ALMS1: variants seen among roughly 807,000 people sequenced by gnomAD.
ALMS1 encodes the protein centrosome-associated protein ALMS1.
Under a neutral mutation model 352.2 loss-of-function variants are expected in ALMS1, and 271 were observed. The ratio of observed to expected loss-of-function variants is 0.77; its 90% confidence interval spans 0.70 to 0.85. ALMS1 has a LOEUF of 0.85. ALMS1 is among the 40% of genes least tolerant of loss of function. The pLI, the probability that ALMS1 is intolerant of heterozygous loss-of-function variation, is 0.00. For synonymous variants in ALMS1, 1,865 were observed against 1,761.2 expected, an observed-to-expected ratio of 1.06 and a Z score of -1.48; for missense variants, 5,445 against 4,870.7, an observed-to-expected ratio of 1.12 and a Z score of -3.51.
intron 7 of ALMS1, among the ~76,000 whole-genome samples, chr2:73,444,596 A>T (rs1460247714): frequency 6.6e-6 from 1 of 152,372 alleles, no homozygotes; most frequent in Admixed American, 6.5e-5. Context: ...TTTGTGTTAT[A>T]AAACAGTGCC....
At position 73,450,107 on chromosome 2, in the gene ALMS1, C is replaced by A; in HGVS notation, c.3580C>A (p.Gln1194Lys). The A allele has an allele frequency of 1.9e-6, 3 of 1,614,068 alleles. No individual in the cohort carries two copies. Among genetic ancestry groups the A allele is most frequent in the Non-Finnish European group, 2.5e-6 (3 of 1,179,962 alleles). The stretch of plus-strand genomic sequence containing the variant: ...AAGAGTACTTTCTACCTTCTACTCA[C>A]AAAGAGAGAAACCTGGTATTTTCTA... The part of the protein sequence containing the change: ...IPRVLSTFYS[Q>K]REKPGIFYQQ... Residue 1194 changes from glutamine (Q) to lysine (K), a missense_variant, in exon 8 of 23, where the codon CAA becomes AAA. By Grantham distance (53) the Gln-to-Lys change is moderately conservative (BLOSUM62 1). Transcript: ENST00000613296.
chr2:73,602,306 T>TATTCAAC lies in ALMS1; in HGVS notation c.12240_12246dup (p.Asp4083GlnfsTer3). The stretch of plus-strand genomic sequence containing the variant: ...ATGTTACAGACCGAGCGGGATGCAC[T>TATTCAAC]ATTCAACATTGACAGGGAACGGCAG... On this transcript the variant is annotated frameshift_variant, in exon 20 of 23. Coordinates refer to ENST00000613296, the MANE Select transcript of ALMS1 (RefSeq NM_001378454.1). LOFTEE classifies it high-confidence loss of function. The TATTCAAC allele has an allele frequency of 6.2e-7, 1 of 1,614,230 alleles. No homozygotes were observed. The highest frequency in any genetic ancestry group is 8.5e-7 in the Non-Finnish European group (1 of 1,180,026).
chr2:73,551,053 C>G (rs191323791), intron 13 of ALMS1, among the ~76,000 whole-genome samples: 1 of 151,986 alleles, frequency 6.6e-6, no homozygotes, highest in South Asian at 2.1e-4. Context: ...TGATGGGGGT[C>G]TCGCTATGTT....
In ALMS1 at chr2:73,557,705, A is replaced by C. The variant is rs368612707; in HGVS notation, c.10213+351A>C. Among the ~76,000 whole-genome samples the C allele has an allele frequency of 1.8e-4, 27 of 152,302 alleles. 1 individual carries two copies. In the East Asian group the frequency reaches 4.6e-3, roughly 26 times the overall value. On this transcript the variant is annotated intron_variant, in intron 14 of 22. Coordinates refer to ENST00000613296, the MANE Select transcript of ALMS1 (RefSeq NM_001378454.1). ...ACCCTCTAATACCATTTTTGTACAT[A>C]ATCCTTTATTTAGGAATTCAGCTTG...
intron 7 of ALMS1, among the ~76,000 whole-genome samples, chr2:73,447,217 G>C (rs372134383): frequency 2.0e-5 from 3 of 152,062 alleles, no homozygotes; most frequent in Non-Finnish European, 4.4e-5. Context: ...TAGAATTATT[G>C]TATTAGTGCA....
intron 12 of ALMS1, among the ~76,000 whole-genome samples, chr2:73,537,164 T>G (rs890524561): frequency 2.8e-4 from 43 of 152,120 alleles, no homozygotes; most frequent in African/African-American, 9.7e-4. Context: ...TCAAAAACAT[T>G]TACAGACAAG....
At chr2:73,407,049 G>T (rs1670987175) in intron 1 of ALMS1, among the ~76,000 whole-genome samples, 1 of 152,120 alleles carries the variant, frequency 6.6e-6, no homozygotes, top group South Asian at 2.1e-4. Context: ...CTTGAAACTG[G>T]GTAGTTTATT....
intron 10 of ALMS1, among the ~76,000 whole-genome samples, chr2:73,508,883 T>G (rs1190174776): frequency 6.6e-6 from 1 of 152,238 alleles, no homozygotes; most frequent in Non-Finnish European, 1.5e-5. Context: ...GCTAAGAACT[T>G]GCTTTATGAA....
chr2:73,422,498 A>G (rs1354570973), intron 3 of ALMS1, among the ~76,000 whole-genome samples: 5 of 152,198 alleles, frequency 3.3e-5, no homozygotes, highest in African/African-American at 7.2e-5. Flanking sequence ...AGCGTTTGCT[A>G]AAAGTTGAAA....
Position 73,448,140 on chromosome 2 carries a change from A to C in ALMS1, c.1613A>C (p.Asn538Thr), listed in dbSNP as rs1404289425. 6.2e-7 allele frequency: 1 copy of C among 1,614,006 alleles called. No homozygotes were observed. Among genetic ancestry groups the C allele is most frequent in the South Asian group, 1.1e-5 (1 of 91,076 alleles). Residue 538 changes from asparagine to threonine, a missense_variant, in exon 8 of 23, where the codon AAC becomes ACC. Physicochemically the swap from Asn to Thr is moderately conservative, Grantham distance 65. Transcript: ENST00000613296. ...TTTGQHTDTL[N>T]QKTLADTHLT... ...ACTGGTCAACACACTGATACTCTCA[A>C]CCAAAAGACATTAGCAGATACTCAT...
At chr2:73,403,118 C>G (rs1157614083) in intron 1 of ALMS1, among the ~76,000 whole-genome samples, 2 of 152,130 alleles carry the variant, frequency 1.3e-5, no homozygotes, top group Non-Finnish European at 2.9e-5. Flanking sequence ...AGACAAGTGT[C>G]AAGGAGTTTT....
At chr2:73,486,678 A>G (rs1422785523) in intron 9 of ALMS1, among the ~76,000 whole-genome samples, 2 of 152,202 alleles carry the variant, frequency 1.3e-5, no homozygotes, top group Non-Finnish European at 2.9e-5. Context: ...TCTTCTCTAC[A>G]TCTTTCAGAT....
chr2:73,536,955 A>G (rs1033365770), intron 12 of ALMS1, among the ~76,000 whole-genome samples: 7 of 152,196 alleles, frequency 4.6e-5, no homozygotes, highest in Non-Finnish European at 1.0e-4. Flanking sequence ...GCCTTCAGAA[A>G]TATAGCTTTC....
At position 73,434,415 on chromosome 2, in the gene ALMS1, T is replaced by C. The variant is rs192006911; in HGVS notation, c.1432+2124T>C. ...GTTGTTTAATTTCCTTCTGTTATTATGTTTCATCTGGTTCAATTTTTGTTG... is the reference window on the plus strand; with the variant it reads ...GTTGTTTAATTTCCTTCTGTTATTACGTTTCATCTGGTTCAATTTTTGTTG... On this transcript the variant is annotated intron_variant, in intron 7 of 22. Coordinates refer to ENST00000613296, the MANE Select transcript of ALMS1 (RefSeq NM_001378454.1). Among the ~76,000 whole-genome samples the C allele has an allele frequency of 1.3e-3, 197 of 152,356 alleles. 1 individual carries two copies. The highest frequency in any genetic ancestry group is 4.5e-3 in the African/African-American group (189 of 41,594).
At chr2:73,496,685 T>G (rs761672498) in intron 10 of ALMS1, among the ~76,000 whole-genome samples, 3 of 152,164 alleles carry the variant, frequency 2.0e-5, no homozygotes, top group Non-Finnish European at 2.9e-5. Flanking sequence ...TCTGTATCAT[T>G]TTGCATTCCT....
At chr2:73,600,947 ACT>A (rs1675670522) in intron 18 of ALMS1, 66 bp downstream of exon 18, 2 of 1,539,132 alleles carry the variant, frequency 1.3e-6, no homozygotes, top group South Asian at 1.2e-5. Flanking sequence ...TGCGATGCTG[ACT>A]CTGTGTTTCC....
At chr2:73,568,998 T>C (rs903866249) in intron 15 of ALMS1, among the ~76,000 whole-genome samples, 11 of 38,272 alleles carry the variant, frequency 2.9e-4, no homozygotes, top group South Asian at 2.7e-3. Context: ...TCTGCTTCTT[T>C]TTTTTTTTTT....
intron 10 of ALMS1, among the ~76,000 whole-genome samples, chr2:73,498,462 A>G (rs964299402): frequency 2.6e-5 from 4 of 152,064 alleles, no homozygotes; most frequent in Admixed American, 6.6e-5. Context: ...ATTATTTACT[A>G]TAGTCACCCT....
intron 1 of ALMS1, among the ~76,000 whole-genome samples, chr2:73,408,350 T>A (rs1671011824): frequency 6.6e-6 from 1 of 152,196 alleles, no homozygotes; most frequent in Non-Finnish European, 1.5e-5. Context: ...CAGTAAGATT[T>A]AAAAATAGAC....
Sources: gnomAD v4.1 joint callset for allele counts (sites outside exome capture counted in the v4.1 genomes callset) on GRCh38, gnomAD v4.1.1 for gene constraint, MANE v1.5 for transcripts, NCBI Gene and HGNC (gene_info 2026-07-23, HGNC 2026-07-21) for gene names.